The following NALCN variants were observed in gnomAD, a reference collection of about 807,000 sequenced individuals.
NALCN encodes sodium leak channel NALCN.
In NALCN, 111 loss-of-function variants were observed where a neutral mutation model predicts 225.3. The observed-to-expected ratio is 0.49, with a 90% confidence interval of 0.42 to 0.58. The LOEUF is 0.58. Ranked by LOEUF, NALCN falls within the 20% of genes least tolerant of loss-of-function variation. The probability of loss-of-function intolerance (pLI) is 0.00; values close to 1 mark genes in which losing one functional copy is unlikely to be tolerated. For missense variants in NALCN, 1,378 were observed against 2,202.4 expected (o/e 0.63, Z 7.49); for synonymous variants, 764 against 769.0 (o/e 0.99, Z 0.11).
chr13:101,315,413 A>C (rs1193021280), intron 7 of NALCN, among the ~76,000 whole-genome samples: 1 of 152,158 alleles, frequency 6.6e-6, no homozygotes, highest in Non-Finnish European at 1.5e-5. Flanking sequence ...AGCAGTATAG[A>C]TCTAGTAGCA....
intron 1 of NALCN, among the ~76,000 whole-genome samples, chr13:101,404,061 C>T (rs1204089812): frequency 2.0e-5 from 3 of 152,174 alleles, no homozygotes; most frequent in African/African-American, 4.8e-5. Flanking sequence ...TAGGTCTTTT[C>T]CCTCCATGTT....
chr13:101,059,738 C>T, intron 42 of NALCN, 80 bp downstream of exon 42: 2 of 1,324,396 alleles, frequency 1.5e-6, no homozygotes. Flanking sequence ...ATGATCTGAC[C>T]AGCACCCATT....
chr13:101,229,246 A>C, intron 13 of NALCN, 147 bp downstream of exon 13: 1 of 761,226 alleles, frequency 1.3e-6, no homozygotes, highest in Middle Eastern at 3.9e-4. Context: ...CAGAAGAGAC[A>C]ATTTTAAATA....
At chr13:101,100,072 G>T (rs2034722741) in intron 27 of NALCN, among the ~76,000 whole-genome samples, 1 of 152,124 alleles carries the variant, frequency 6.6e-6, no homozygotes, top group Non-Finnish European at 1.5e-5. Context: ...TTCAAGTTTG[G>T]GTCTTTGTGG....
intron 6 of NALCN, among the ~76,000 whole-genome samples, chr13:101,345,737 A>AATATATATATATATATATATAT (rs10560892): frequency 2.3e-3 from 203 of 86,614 alleles, no homozygotes; most frequent in African/African-American, 3.5e-3. Context: ...CAGCAAAGAG[A>AATATATATATATATATATATAT]ATATATATAT....
intron 11 of NALCN, among the ~76,000 whole-genome samples, chr13:101,251,184 T>C (rs2042051832): frequency 6.6e-6 from 1 of 152,122 alleles, no homozygotes; most frequent in African/African-American, 2.4e-5. Context: ...GAAATTCTAA[T>C]GACAATGTTT....
At chr13:101,372,105 GA>G (rs1357405977) in intron 6 of NALCN, among the ~76,000 whole-genome samples, 1 of 151,908 alleles carries the variant, frequency 6.6e-6, no homozygotes, top group African/African-American at 2.4e-5. Context: ...AGCTAATTAG[GA>G]AAAAAATTCA....
chr13:101,284,149 G>T, intron 9 of NALCN, 130 bp from the exon 10 acceptor site: 3 of 676,802 alleles, frequency 4.4e-6, no homozygotes, highest in Non-Finnish European at 7.2e-6. Flanking sequence ...TTGGAATGAA[G>T]TCATTTCAAT....
Position 101,304,811 on chromosome 13 carries a change from G to A in NALCN, c.800-12445C>T, listed in dbSNP as rs1422471241. On this transcript the variant is annotated intron_variant, in intron 7 of 43. Coordinates refer to ENST00000251127, the MANE Select transcript of NALCN (RefSeq NM_052867.4). ...TTGCTCTGTTGCCAGGCTAGGGTGC[G>A]GTGGCTGGATCTCAGCTCGCTGCAA... is the stretch of plus-strand genomic sequence containing the variant. Among the ~76,000 whole-genome samples the A allele has an allele frequency of 7.2e-4, 105 of 145,190 alleles. 1 individual carries two copies. The highest frequency in any genetic ancestry group is 3.9e-3 in the Middle Eastern group (1 of 256).
At chr13:101,323,800 G>A (rs1442558350) in intron 7 of NALCN, among the ~76,000 whole-genome samples, 8 of 152,208 alleles carry the variant, frequency 5.3e-5, no homozygotes, top group Admixed American at 2.6e-4. Context: ...TGTAAGTTAT[G>A]CATTTATGCA....
At chr13:101,202,084 A>C (rs2040145589) in intron 13 of NALCN, among the ~76,000 whole-genome samples, 1 of 152,170 alleles carries the variant, frequency 6.6e-6, no homozygotes, top group Non-Finnish European at 1.5e-5. Flanking sequence ...GAATAGTTTT[A>C]TCTTCAGAAA....
chr13:101,144,408 G>C (rs2037241894), intron 16 of NALCN, among the ~76,000 whole-genome samples: 1 of 152,198 alleles, frequency 6.6e-6, no homozygotes, highest in African/African-American at 2.4e-5. Context: ...TCATACGGTT[G>C]GGGTCTGAGA....
At chr13:101,412,645 A>C (rs1008741740) in intron 1 of NALCN, among the ~76,000 whole-genome samples, 9 of 152,328 alleles carry the variant, frequency 5.9e-5, no homozygotes, top group African/African-American at 2.2e-4. Context: ...TTTTTTGTAC[A>C]CTGATCTTAG....
intron 34 of NALCN, among the ~76,000 whole-genome samples, chr13:101,076,729 T>C (rs545886496): frequency 1.3e-5 from 2 of 152,232 alleles, no homozygotes; most frequent in East Asian, 3.9e-4. Flanking sequence ...CAAAATACGG[T>C]GGAGAATGAG....
chr13:101,290,206 T>C (rs1000410166), intron 9 of NALCN, among the ~76,000 whole-genome samples: 5 of 152,214 alleles, frequency 3.3e-5, no homozygotes, highest in Admixed American at 3.3e-4. Flanking sequence ...ATTAGAACCA[T>C]TGCCTGACTT....
intron 34 of NALCN, among the ~76,000 whole-genome samples, chr13:101,077,722 T>C (rs956339746): frequency 6.6e-6 from 1 of 152,182 alleles, no homozygotes; most frequent in African/African-American, 2.4e-5. Context: ...GAAAACCTTA[T>C]TTACTAGGGA....
Position 101,089,771 on chromosome 13 carries a change from G to A in NALCN, c.3391-10C>T, listed in dbSNP as rs771989355. The A allele has an allele frequency of 5.6e-6, 9 of 1,613,828 alleles. No individual in the cohort carries two copies. Among genetic ancestry groups the A allele is most frequent in the Non-Finnish European group, 5.9e-6 (7 of 1,179,900 alleles). The stretch of plus-strand genomic sequence containing the variant: ...TATAGATTCCATGGATCTGCATAAA[G>A]GAAAATATGGTTATTCATCAAAACA... On this transcript the variant is annotated splice_polypyrimidine_tract_variant and intron_variant, in intron 29 of 43. Transcript: ENST00000251127. The surrounding 1 kb of genome is among the most constrained non-coding windows in gnomAD (Gnocchi z 4.7).
intron 39 of NALCN, among the ~76,000 whole-genome samples, chr13:101,066,236 G>GA (rs1042698833): frequency 2.0e-5 from 3 of 148,866 alleles, no homozygotes; most frequent in African/African-American, 5.0e-5. Flanking sequence ...TGAGGCTGGG[G>GA]AATCACTTGA....
At chr13:101,074,750 A>C (rs1338934758) in intron 35 of NALCN, 88 bp from the exon 36 acceptor site, 1 of 1,430,592 alleles carries the variant, frequency 7.0e-7, no homozygotes, top group African/African-American at 1.4e-5. Context: ...GAGAATATTC[A>C]ATCTATTAAG....
Sources: allele counts gnomAD v4.1 joint callset (sites outside exome capture counted in the v4.1 genomes callset), GRCh38; gene constraint gnomAD v4.1.1; non-coding constraint Gnocchi (gnomAD v3.1); transcripts MANE v1.5; gene names NCBI Gene and HGNC (gene_info 2026-07-23, HGNC 2026-07-21).